Variants in LRRTM4 observed in about 807,000 individuals in gnomAD.
LRRTM4 encodes leucine-rich repeat transmembrane neuronal protein 4.
Under a neutral mutation model 47.6 loss-of-function variants are expected in LRRTM4, and 25 were observed. That is an observed-to-expected ratio of 0.53 (90% CI 0.38 to 0.73). The LOEUF is 0.73. Ranked by LOEUF, LRRTM4 falls within the 30% of genes least tolerant of loss-of-function variation. LRRTM4 has a pLI of 0.00. For synonymous variants in LRRTM4, 311 were observed against 269.5 expected (o/e 1.15, Z -1.51); for missense variants, 638 against 713.4 (o/e 0.89, Z 1.20).
chr2:76,819,866 G>A (rs992660348), intron 3 of LRRTM4, among the ~76,000 whole-genome samples: 1 of 151,676 alleles, frequency 6.6e-6, no homozygotes. Context: ...CCTACTTTTT[G>A]CTTTTTCAGG....
chr2:77,270,148 G>A (rs1432054289), intron 3 of LRRTM4, among the ~76,000 whole-genome samples: 3 of 152,182 alleles, frequency 2.0e-5, no homozygotes, highest in African/African-American at 7.2e-5. Context: ...TTGGGCCAAA[G>A]TAAAAACCTC....
chr2:77,127,818 T>C (rs1572988437), intron 3 of LRRTM4, among the ~76,000 whole-genome samples: 2 of 152,174 alleles, frequency 1.3e-5, no homozygotes, highest in East Asian at 1.9e-4. Flanking sequence ...CATAGCTAAA[T>C]AGCCCTTAGA....
intron 3 of LRRTM4, among the ~76,000 whole-genome samples, chr2:77,273,369 C>G (rs558607582): frequency 6.6e-6 from 1 of 152,092 alleles, no homozygotes; most frequent in African/African-American, 2.4e-5. Flanking sequence ...AACCTTTACC[C>G]TGTATTCTCT....
At chr2:77,036,138 C>A (rs942620480) in intron 3 of LRRTM4, among the ~76,000 whole-genome samples, 3 of 151,526 alleles carry the variant, frequency 2.0e-5, no homozygotes, top group Non-Finnish European at 3.0e-5. Context: ...TAATGTAGAC[C>A]ACAAAACAGA....
intron 3 of LRRTM4, among the ~76,000 whole-genome samples, chr2:77,072,800 CAAAAAAAAAAAA>C (rs373786120): frequency 1.1e-4 from 9 of 78,742 alleles, no homozygotes; most frequent in African/African-American, 1.5e-4. Context: ...CTCCGTCTTC[CAAAAAAAAAAAA>C]AAAAAAAAAA....
At chr2:77,376,366 A>G (rs1015253226) in intron 3 of LRRTM4, among the ~76,000 whole-genome samples, 6 of 151,694 alleles carry the variant, frequency 4.0e-5, no homozygotes, top group Middle Eastern at 3.4e-3. Flanking sequence ...CAGTATTGCT[A>G]TGCTACTATT....
At chr2:77,169,346 T>G (rs1051836068) in intron 3 of LRRTM4, among the ~76,000 whole-genome samples, 2 of 152,204 alleles carry the variant, frequency 1.3e-5, no homozygotes, top group Non-Finnish European at 2.9e-5. Flanking sequence ...TTTCTATTTT[T>G]GAATTTTTTT....
intron 3 of LRRTM4, among the ~76,000 whole-genome samples, chr2:76,788,486 TAC>T (rs1230654936): frequency 2.0e-5 from 3 of 152,186 alleles, no homozygotes; most frequent in African/African-American, 4.8e-5. Flanking sequence ...TCAGCAAAGA[TAC>T]AGAGTGTAAT....
intron 3 of LRRTM4, among the ~76,000 whole-genome samples, chr2:77,122,251 T>A (rs1671538320): frequency 6.6e-6 from 1 of 151,672 alleles, no homozygotes; most frequent in Non-Finnish European, 1.5e-5. Flanking sequence ...GTAAGTCAGA[T>A]TATGACCTTA....
intron 3 of LRRTM4, among the ~76,000 whole-genome samples, chr2:77,206,793 T>C (rs1027384192): frequency 2.6e-5 from 4 of 152,154 alleles, no homozygotes; most frequent in Non-Finnish European, 5.9e-5. Flanking sequence ...ACAAAACTTA[T>C]AAATTTTAAT....
chr2:76,929,849 G>T (rs1474696744), intron 3 of LRRTM4, among the ~76,000 whole-genome samples: 1 of 151,726 alleles, frequency 6.6e-6, no homozygotes, highest in Non-Finnish European at 1.5e-5. Context: ...CATGTTTTTA[G>T]AATATAAATA....
At chr2:77,293,655 T>C (rs1305722695) in intron 3 of LRRTM4, among the ~76,000 whole-genome samples, 3 of 152,168 alleles carry the variant, frequency 2.0e-5, no homozygotes, top group African/African-American at 7.2e-5. Flanking sequence ...ATTGTCCTTT[T>C]GGTGCTGATT....
At chr2:77,243,434 TAA>T (rs923816143) in intron 3 of LRRTM4, among the ~76,000 whole-genome samples, 1 of 31,062 alleles carries the variant, frequency 3.2e-5, no homozygotes, top group African/African-American at 1.3e-4. Flanking sequence ...ATAAAAAAAA[TAA>T]AAAAAAAAGA....
chr2:77,193,937 G>C (rs925064281), intron 3 of LRRTM4, among the ~76,000 whole-genome samples: 1 of 152,156 alleles, frequency 6.6e-6, no homozygotes, highest in Non-Finnish European at 1.5e-5. Context: ...CTTTCTAAGA[G>C]AAAGGAATTT....
In LRRTM4 at chr2:76,748,733, C is replaced by A. The variant is rs779115696; in HGVS notation, c.1735G>T (p.Ala579Ser). 4 of 1,613,498 alleles carry A rather than the reference C, an allele frequency of 2.5e-6. No homozygotes were observed. The highest frequency in any genetic ancestry group is 1.6e-4 in the Middle Eastern group (1 of 6,080). The change falls in exon 4 of 4, where the codon GCA (alanine) becomes TCA (serine). Residue 579 changes from alanine to serine, a missense_variant. By Grantham distance (99) the Ala-to-Ser change is moderately conservative. Coordinates refer to ENST00000409884, the MANE Select transcript of LRRTM4 (RefSeq NM_001134745.3). ...CTCTCTAGGTAGATGGCCGGTGCTG[C>A]CGACCTGGCGATGGTGGCGATGAAG... is the stretch of plus-strand genomic sequence containing the variant. ...HSFIATIARS[A>S]APAIYLERIA...
chr2:77,180,404 A>T (rs542052750), intron 3 of LRRTM4, among the ~76,000 whole-genome samples: 1 of 152,132 alleles, frequency 6.6e-6, no homozygotes. Flanking sequence ...AAAGAGTACA[A>T]TTTTACAACT....
intron 3 of LRRTM4, among the ~76,000 whole-genome samples, chr2:76,775,489 A>G (rs933327158): frequency 6.6e-6 from 1 of 152,182 alleles, no homozygotes; most frequent in Non-Finnish European, 1.5e-5. Context: ...GCAATTATAT[A>G]CTGGAAAGGT....
intron 3 of LRRTM4, among the ~76,000 whole-genome samples, chr2:77,400,895 T>C (rs1673924974): frequency 6.6e-6 from 1 of 151,900 alleles, no homozygotes; most frequent in Non-Finnish European, 1.5e-5. Flanking sequence ...TTTGTAACGA[T>C]TGGAGAAAAT....
chr2:76,936,320 C>T (rs549082953), intron 3 of LRRTM4, among the ~76,000 whole-genome samples: 2 of 151,870 alleles, frequency 1.3e-5, no homozygotes, highest in African/African-American at 2.4e-5. Context: ...CCATCATTCT[C>T]AGCAAACTAT....
Sources: allele counts gnomAD v4.1 joint callset (sites outside exome capture counted in the v4.1 genomes callset), GRCh38; gene constraint gnomAD v4.1.1; transcripts MANE v1.5; gene names NCBI Gene and HGNC (gene_info 2026-07-23, HGNC 2026-07-21).